The following FGFR2 variants were observed in gnomAD, a reference collection of about 807,000 sequenced individuals.
The protein encoded by FGFR2 is fibroblast growth factor receptor 2.
A neutral mutation model predicts 95.9 loss-of-function variants in FGFR2; 19 were observed. The observed-to-expected ratio is 0.20, with a 90% confidence interval of 0.14 to 0.29. The LOEUF is 0.29. Among genes scored for constraint, FGFR2 ranks in the 10% least tolerant of loss-of-function variants. The pLI is 1.00. For synonymous variants in FGFR2, 392 were observed against 393.3 expected (o/e 1.00, Z 0.04); for missense variants, 707 against 1,056.9 (o/e 0.67, Z 4.59).
rs1163053843 is a variant in FGFR2, at chr10:121,598,276, G to C, written c.-465C>G. 1 of 384,182 alleles carries C rather than the reference G, an allele frequency of 2.6e-6. No individual in the cohort carries two copies. Among genetic ancestry groups the C allele is most frequent in the Non-Finnish European group, 4.6e-6 (1 of 216,878 alleles). 23.8% of individuals were successfully genotyped at this position (384,182 alleles called of 1,614,324 possible). A position where few individuals can be genotyped will look rare whatever the true frequency, so the allele number is the denominator to read the frequency against. ...AGCGCGCAGGCAAGCTGCGGCCTCG[G>C]GGCCCCCGGGGCTCGCGGCCGGCCC... is the stretch of plus-strand genomic sequence containing the variant. On this transcript the variant is annotated 5_prime_UTR_variant, in exon 1 of 18. Transcript: ENST00000358487.
Position 121,478,955 on chromosome 10 carries a change from T to C in FGFR2, c.*902A>G, listed in dbSNP as rs1844338114. 4.3e-6 allele frequency: 1 copy of C among 233,434 alleles called. No individual in the cohort carries two copies. The allele number at this position is 233,434 out of a possible 1,614,324, so 14.5% of individuals were successfully genotyped here. ...ACGTTGCGTTGACGTAATGACAGGG[T>C]TGCACACCAAAATGAAACACCTTCC... is the stretch of plus-strand genomic sequence containing the variant. On this transcript the variant is annotated 3_prime_UTR_variant, in exon 18 of 18. Transcript: ENST00000358487.
intron 5 of FGFR2, among the ~76,000 whole-genome samples, chr10:121,544,997 G>C (rs117693837): frequency 1.3e-3 from 191 of 152,232 alleles, no homozygotes; most frequent in Non-Finnish European, 1.7e-3. Context: ...TTAAAAATTA[G>C]CCAAATGTGG....
chr10:121,485,331 AG>A lies in FGFR2; in HGVS notation c.2195+63del. 6.2e-7 allele frequency: 1 copy of A among 1,605,440 alleles called. No individual in the cohort carries two copies. Among genetic ancestry groups the A allele is most frequent in the Non-Finnish European group, 8.5e-7 (1 of 1,172,690 alleles). ...GGGGCCTTCAAAAACGAGATACATC[AG>A]GAGAGGTATTACTGGTGTGGCAAGT... On this transcript the variant is annotated intron_variant, in intron 16 of 17. Coordinates refer to ENST00000358487, the MANE Select transcript of FGFR2 (RefSeq NM_000141.5). The surrounding 1 kb of genome is among the most constrained non-coding windows in gnomAD (Gnocchi z 4.2).
intron 5 of FGFR2, among the ~76,000 whole-genome samples, chr10:121,548,266 TTTTTTTTTTTTTTG>T (rs1854847290): frequency 2.2e-5 from 3 of 136,400 alleles, no homozygotes; most frequent in African/African-American, 5.9e-5. Context: ...TTTTTTTTTT[TTTTTTTTTTTTTTG>T]GTAAAGCAAA....
At chr10:121,525,427 C>T (rs1026515237) in intron 6 of FGFR2, among the ~76,000 whole-genome samples, 5 of 152,142 alleles carry the variant, frequency 3.3e-5, no homozygotes, top group African/African-American at 7.2e-5. Context: ...TCTCTCCCAG[C>T]GTTCTCTCTC....
chr10:121,596,056 G>A (rs1264744870), intron 1 of FGFR2, among the ~76,000 whole-genome samples: 3 of 152,276 alleles, frequency 2.0e-5, no homozygotes, highest in Non-Finnish European at 4.4e-5. Context: ...TACAGGCCCA[G>A]CATGCCGCTG....
At chr10:121,503,089 A>G (rs1428208647) in intron 10 of FGFR2, among the ~76,000 whole-genome samples, 1 of 152,256 alleles carries the variant, frequency 6.6e-6, no homozygotes. Flanking sequence ...TCAGAGAATC[A>G]GGTGCCTCAC....
At chr10:121,514,382 C>T (rs894642361) in intron 9 of FGFR2, among the ~76,000 whole-genome samples, 8 of 152,274 alleles carry the variant, frequency 5.3e-5, no homozygotes, top group Non-Finnish European at 1.2e-4. Context: ...TGCCCCATCT[C>T]CCCCAAAGCA....
chr10:121,594,161 G>T, intron 1 of FGFR2, 194 bp from the exon 2 acceptor site: 1 of 470,932 alleles, frequency 2.1e-6, no homozygotes, highest in Non-Finnish European at 3.9e-6. Context: ...AATGTGTGAG[G>T]CTAATCTTTT....
chr10:121,498,814 G>A (rs1054124167), intron 11 of FGFR2, among the ~76,000 whole-genome samples: 6 of 152,160 alleles, frequency 3.9e-5, no homozygotes, highest in African/African-American at 1.4e-4. Context: ...GCTCACTGGG[G>A]GGCCAATGGG....
intron 17 of FGFR2, among the ~76,000 whole-genome samples, chr10:121,481,338 A>G (rs184389050): frequency 6.6e-6 from 1 of 152,214 alleles, no homozygotes; most frequent in East Asian, 1.9e-4. Context: ...AAACAGCCTC[A>G]GTGTTATCAG....
At chr10:121,506,585 AAC>A (rs1403396719) in intron 9 of FGFR2, among the ~76,000 whole-genome samples, 1 of 152,100 alleles carries the variant, frequency 6.6e-6, no homozygotes, top group Non-Finnish European at 1.5e-5. Flanking sequence ...GGATGACGTT[AAC>A]ACCCAGCAGA....
At chr10:121,560,099 C>T (rs1208153609) in intron 4 of FGFR2, among the ~76,000 whole-genome samples, 3 of 152,136 alleles carry the variant, frequency 2.0e-5, no homozygotes, top group Non-Finnish European at 4.4e-5. Flanking sequence ...CCACCCCCAT[C>T]GTGACCCTAG....
At chr10:121,551,635 C>T (rs1204222298) in intron 4 of FGFR2, among the ~76,000 whole-genome samples, 176 bp from the exon 5 acceptor site, 1 of 151,540 alleles carries the variant, frequency 6.6e-6, no homozygotes, top group Non-Finnish European at 1.5e-5. Flanking sequence ...GCTGGCTGAG[C>T]AGAAGGTCCC....
At chr10:121,548,504 T>G (rs1854906855) in intron 5 of FGFR2, among the ~76,000 whole-genome samples, 1 of 152,070 alleles carries the variant, frequency 6.6e-6, no homozygotes, top group African/African-American at 2.4e-5. Context: ...GAACTGCACC[T>G]GTTAAAAATC....
At position 121,565,225 on chromosome 10, in the gene FGFR2, T is replaced by A. The variant is rs7895493; in HGVS notation, c.376+213A>T. 0.073 allele frequency among the ~76,000 whole-genome samples: 10,831 copies of A among 148,862 alleles called. 1,340 individuals carry two copies. The highest frequency in any genetic ancestry group is 0.25 in the African/African-American group (10,275 of 40,312). Reference sequence around the variant, plus strand: ...TATTTACTTAAATAAAAGCGTACTATCTTAAGAAAAATGTTACTTTGTGCA... The same window carrying A: ...TATTTACTTAAATAAAAGCGTACTAACTTAAGAAAAATGTTACTTTGTGCA... On this transcript the variant is annotated intron_variant, in intron 3 of 17. Coordinates refer to ENST00000358487, the MANE Select transcript of FGFR2 (RefSeq NM_000141.5).
At chr10:121,495,930 T>C (rs1235895296) in intron 13 of FGFR2, among the ~76,000 whole-genome samples, 4 of 152,138 alleles carry the variant, frequency 2.6e-5, no homozygotes, top group African/African-American at 7.2e-5. Flanking sequence ...AACTGAAATG[T>C]TTCAAGTTCC....
intron 13 of FGFR2, among the ~76,000 whole-genome samples, chr10:121,492,212 A>G (rs1237246307): frequency 6.6e-6 from 1 of 152,236 alleles, no homozygotes; most frequent in Non-Finnish European, 1.5e-5. Flanking sequence ...CAGGTTTAAC[A>G]CTTTGAGGGT....
At chr10:121,513,161 A>G (rs1441150095) in intron 9 of FGFR2, among the ~76,000 whole-genome samples, 1 of 152,246 alleles carries the variant, frequency 6.6e-6, no homozygotes, top group Non-Finnish European at 1.5e-5. Context: ...GGCGTGAGCC[A>G]CCACGCCCGG....
Sources: allele counts gnomAD v4.1 joint callset (sites outside exome capture counted in the v4.1 genomes callset), GRCh38; gene constraint gnomAD v4.1.1; non-coding constraint Gnocchi (gnomAD v3.1); transcripts MANE v1.5; gene names NCBI Gene and HGNC (gene_info 2026-07-23, HGNC 2026-07-21).